Variants in THSD4 observed in about 807,000 individuals in gnomAD.
THSD4 encodes thrombospondin type 1 domain containing 4.
Under a neutral mutation model 119.0 loss-of-function variants are expected in THSD4, and 69 were observed. The observed-to-expected ratio is 0.58, with a 90% CI of 0.48 to 0.71. The LOEUF (loss-of-function observed/expected upper bound fraction) is 0.71. THSD4 is among the 30% of genes least tolerant of loss of function. THSD4 has a pLI of 0.00. For missense variants in THSD4, 1,393 were observed against 1,391.1 expected (o/e 1.00, Z -0.02); for synonymous variants, 524 against 540.4 (o/e 0.97, Z 0.42).
chr15:71,701,824 T>C (rs891593060), intron 8 of THSD4, among the ~76,000 whole-genome samples: 3 of 152,084 alleles, frequency 2.0e-5, no homozygotes, highest in Admixed American at 6.6e-5. Flanking sequence ...TGAAGCGAGA[T>C]TGGGGCCAAG....
intron 7 of THSD4, among the ~76,000 whole-genome samples, chr15:71,629,557 C>T (rs2050579164): frequency 6.6e-6 from 1 of 152,172 alleles, no homozygotes; most frequent in African/African-American, 2.4e-5. Flanking sequence ...CTCTCCATCA[C>T]ATTTTCCATT....
At chr15:71,684,445 T>C (rs976019655) in intron 8 of THSD4, among the ~76,000 whole-genome samples, 1 of 152,106 alleles carries the variant, frequency 6.6e-6, no homozygotes, top group Non-Finnish European at 1.5e-5. Flanking sequence ...GTATGCTCAA[T>C]AAATATTTTA....
At chr15:71,326,673 CAAAAAAAAAAAAAAA>C (rs375081607) in intron 6 of THSD4, among the ~76,000 whole-genome samples, 4 of 12,934 alleles carry the variant, frequency 3.1e-4, no homozygotes, top group African/African-American at 4.9e-4. Context: ...GATTCCATCT[CAAAAAAAAAAAAAAA>C]AAAAAAAAAA....
At chr15:71,236,290 C>G (rs982084257) in intron 4 of THSD4, among the ~76,000 whole-genome samples, 2 of 152,216 alleles carry the variant, frequency 1.3e-5, no homozygotes, top group Non-Finnish European at 2.9e-5. Flanking sequence ...GGAAGCCCCC[C>G]TATAGCTGCA....
At chr15:71,490,891 G>A (rs1195163500) in intron 7 of THSD4, among the ~76,000 whole-genome samples, 7 of 152,208 alleles carry the variant, frequency 4.6e-5, no homozygotes, top group Admixed American at 4.6e-4. Context: ...TGCTACAATG[G>A]CAGAGTTGAA....
chr15:71,584,760 G>A (rs906983272), intron 7 of THSD4, among the ~76,000 whole-genome samples: 1 of 151,910 alleles, frequency 6.6e-6, no homozygotes, highest in African/African-American at 2.4e-5. Flanking sequence ...CTGTTTTTTA[G>A]TTCCTTTTTT....
At chr15:71,360,335 T>A (rs1889505600) in intron 6 of THSD4, among the ~76,000 whole-genome samples, 1 of 152,184 alleles carries the variant, frequency 6.6e-6, no homozygotes, top group African/African-American at 2.4e-5. Context: ...GAATCTCAGA[T>A]CTTCACTTCT....
At chr15:71,683,471 CG>C (rs1567099281) in intron 8 of THSD4, among the ~76,000 whole-genome samples, 2 of 151,608 alleles carry the variant, frequency 1.3e-5, no homozygotes, top group African/African-American at 4.9e-5. Flanking sequence ...AAACTGGAGA[CG>C]AAAGAACAAA....
intron 1 of THSD4, among the ~76,000 whole-genome samples, chr15:71,139,141 G>T (rs1291661878): frequency 1.3e-5 from 2 of 152,074 alleles, no homozygotes; most frequent in African/African-American, 4.8e-5. Flanking sequence ...TTGAATTTAA[G>T]TCCCATCTAC....
intron 7 of THSD4, among the ~76,000 whole-genome samples, chr15:71,477,290 TAAAC>T (rs2047667932): frequency 6.6e-6 from 1 of 152,146 alleles, no homozygotes; most frequent in East Asian, 1.9e-4. Context: ...AATGAGAACA[TAAAC>T]AGACTGCTAG....
intron 7 of THSD4, among the ~76,000 whole-genome samples, chr15:71,535,459 T>C (rs1000458284): frequency 1.3e-5 from 2 of 152,232 alleles, no homozygotes; most frequent in Non-Finnish European, 1.5e-5. Context: ...TGTGGACATA[T>C]GTTGTCATTT....
chr15:71,642,834 A>G (rs905765868), intron 7 of THSD4, among the ~76,000 whole-genome samples: 23 of 152,132 alleles, frequency 1.5e-4, no homozygotes, highest in Non-Finnish European at 3.4e-4. Flanking sequence ...TAGCATTAAG[A>G]GATATACCTA....
At position 71,731,161 on chromosome 15, in the gene THSD4, A is replaced by G; in HGVS notation, c.1574A>G (p.Tyr525Cys). ...CCAAACCCAGGCGTGCACTACGAGT[A>G]CGTGATCATGGGGACCAACGCCATC... The part of the protein sequence containing the change: ...QQPNPGVHYE[Y>C]VIMGTNAISP... The change falls in exon 10 of 18, where the codon TAC becomes TGC. Residue 525 changes from tyrosine to cysteine, a missense_variant. Physicochemically the swap from Tyr to Cys is radical, Grantham distance 194. Transcript: ENST00000261862. The G allele has an allele frequency of 6.2e-7, 1 of 1,614,204 alleles. No homozygotes were observed. Among genetic ancestry groups the G allele is most frequent in the Non-Finnish European group, 8.5e-7 (1 of 1,180,032 alleles).
intron 5 of THSD4, among the ~76,000 whole-genome samples, chr15:71,251,197 TA>T (rs1171569296): frequency 6.6e-6 from 1 of 152,154 alleles, no homozygotes; most frequent in African/African-American, 2.4e-5. Context: ...TATTTCTCTA[TA>T]GCTAGAAAAC....
chr15:71,733,340 A>T (rs1192547903), intron 10 of THSD4: 1 of 152,136 alleles, frequency 6.6e-6, no homozygotes, highest in Non-Finnish European at 1.5e-5. Flanking sequence ...GCGGGTCAGC[A>T]ACCTCTCTGA....
chr15:71,371,897 C>A (rs2046055838), intron 6 of THSD4, among the ~76,000 whole-genome samples: 1 of 152,180 alleles, frequency 6.6e-6, no homozygotes. Flanking sequence ...TCCATTCTCC[C>A]CATCACTTTC....
At chr15:71,682,012 C>T (rs751750887) in intron 8 of THSD4, among the ~76,000 whole-genome samples, 8 of 152,178 alleles carry the variant, frequency 5.3e-5, no homozygotes, top group Non-Finnish European at 1.0e-4. Context: ...GTCATGGGCA[C>T]GGTCTCTCAG....
At chr15:71,633,279 T>TTTTTTTTTTTTTTTTTTTTTTTTTTA (rs2050671201) in intron 7 of THSD4, among the ~76,000 whole-genome samples, 1 of 142,674 alleles carries the variant, frequency 7.0e-6, no homozygotes, top group Non-Finnish European at 1.5e-5. Flanking sequence ...CTTTTTTTTT[T>TTTTTTTTTTTTTTTTTTTTTTTTTTA]TTTTTTTTTT....
chr15:71,765,131 C>G lies in THSD4; in HGVS notation c.2701C>G (p.Pro901Ala). The G allele has an allele frequency of 6.2e-7, 1 of 1,614,144 alleles. No homozygotes were observed. The highest frequency in any genetic ancestry group is 1.1e-5 in the South Asian group (1 of 91,088). The change falls in exon 16 of 18, where the codon CCC (proline) becomes GCC (alanine). Residue 901 changes from proline to alanine, a missense_variant. Physicochemically the swap from Pro to Ala is conservative, Grantham distance 27 (BLOSUM62 -1). Coordinates refer to ENST00000261862, the MANE Select transcript of THSD4 (RefSeq NM_024817.3). ...DPSECSFLEK[P>A]PSQQSCHLKP... ...CTCTGAATGTTCTTTCCTGGAGAAA[C>G]CCCCCAGCCAGCAATCCTGCCACCT...
Sources: gnomAD v4.1 joint callset for allele counts (sites outside exome capture counted in the v4.1 genomes callset) on GRCh38, gnomAD v4.1.1 for gene constraint, MANE v1.5 for transcripts, NCBI Gene and HGNC (gene_info 2026-07-23, HGNC 2026-07-21) for gene names.